Variants in POMK observed in about 807,000 individuals in gnomAD.
POMK encodes the protein Sugen kinase 196.
Under a neutral mutation model 23.0 loss-of-function variants are expected in POMK, and 19 were observed. That is an observed-to-expected ratio of 0.83 (90% confidence interval 0.58 to 1.21). The LOEUF (loss-of-function observed/expected upper bound fraction) is 1.21, where lower values mean the gene tolerates loss of function less well. Ranked by LOEUF, POMK falls within the 50% of genes most tolerant of loss-of-function variation. The pLI is 0.00. For missense variants in POMK, 410 were observed against 431.3 expected, an observed-to-expected ratio of 0.95 and a Z score of 0.44; for synonymous variants, 173 against 171.6, an observed-to-expected ratio of 1.01 and a Z score of -0.06.
Position 43,122,950 on chromosome 8 carries a change from G to C in POMK, c.*73G>C. 1 of 1,391,832 alleles carries C rather than the reference G, an allele frequency of 7.2e-7. No individual in the cohort carries two copies. Among genetic ancestry groups the C allele is most frequent in the Non-Finnish European group, 9.7e-7 (1 of 1,032,750 alleles). 86.2% of individuals were successfully genotyped at this position (1,391,832 alleles called of 1,614,324 possible). A position where few individuals can be genotyped will look rare whatever the true frequency, so the allele number is the denominator to read the frequency against. Reference sequence around the variant, plus strand: ...TACAGCATTCTACTCTGATGGTGGAGTTTTTTGCCTGAGTTTCGTGTTTTA... The same window carrying C: ...TACAGCATTCTACTCTGATGGTGGACTTTTTTGCCTGAGTTTCGTGTTTTA... On this transcript the variant is annotated 3_prime_UTR_variant, in exon 5 of 5. Coordinates refer to ENST00000331373, the MANE Select transcript of POMK (RefSeq NM_032237.5).
chr8:43,111,765 A>G (rs934229204), intron 4 of POMK, among the ~76,000 whole-genome samples: 2 of 152,230 alleles, frequency 1.3e-5, no homozygotes, highest in African/African-American at 4.8e-5. Context: ...CGGTTCACCA[A>G]TATCTGCTGT....
At chr8:43,100,727 G>A (rs953101808) in intron 2 of POMK, among the ~76,000 whole-genome samples, 1 of 152,004 alleles carries the variant, frequency 6.6e-6, no homozygotes, top group African/African-American at 2.4e-5. Context: ...GAGGGAGGAC[G>A]GTGGGAGACC....
intron 2 of POMK, among the ~76,000 whole-genome samples, chr8:43,099,807 G>A (rs537354662): frequency 7.6e-4 from 115 of 152,254 alleles, no homozygotes; most frequent in African/African-American, 2.6e-3. Context: ...GTGGGGCTTG[G>A]GAACTGGTGG....
chr8:43,115,018 A>T (rs576291110), intron 4 of POMK, among the ~76,000 whole-genome samples: 1 of 152,294 alleles, frequency 6.6e-6, no homozygotes, highest in African/African-American at 2.4e-5. Context: ...TATAGCTTGG[A>T]TCCTGTCAGA....
At chr8:43,100,372 AAG>A (rs1306075293) in intron 2 of POMK, among the ~76,000 whole-genome samples, 2 of 151,978 alleles carry the variant, frequency 1.3e-5, no homozygotes, top group Non-Finnish European at 2.9e-5. Flanking sequence ...GTTCCAAAGC[AAG>A]CTAATAGGGG....
chr8:43,113,868 A>G (rs1283674930), intron 4 of POMK, among the ~76,000 whole-genome samples: 1 of 152,230 alleles, frequency 6.6e-6, no homozygotes. Context: ...AGTTTGCTAG[A>G]GGTCCACTCC....
chr8:43,108,425 C>T (rs1395202139), intron 4 of POMK, among the ~76,000 whole-genome samples: 1 of 152,130 alleles, frequency 6.6e-6, no homozygotes, highest in East Asian at 1.9e-4. Context: ...ATTAAGAATA[C>T]TCACAAATAG....
At chr8:43,113,333 C>A (rs1010529291) in intron 4 of POMK, among the ~76,000 whole-genome samples, 30 of 152,110 alleles carry the variant, frequency 2.0e-4, no homozygotes, top group Non-Finnish European at 3.8e-4. Context: ...TTTCTCTAAA[C>A]TTCCCTTCTT....
chr8:43,097,128 G>A (rs988354723), intron 1 of POMK, among the ~76,000 whole-genome samples: 1 of 152,190 alleles, frequency 6.6e-6, no homozygotes, highest in Non-Finnish European at 1.5e-5. Flanking sequence ...TAGATAGATA[G>A]ACAGCATGTA....
chr8:43,112,508 G>A (rs1460834963), intron 4 of POMK, among the ~76,000 whole-genome samples: 1 of 152,152 alleles, frequency 6.6e-6, no homozygotes, highest in Non-Finnish European at 1.5e-5. Flanking sequence ...TTATCCAGGA[G>A]AACTTCCCCA....
chr8:43,112,939 G>A (rs942165478), intron 4 of POMK, among the ~76,000 whole-genome samples: 21 of 152,130 alleles, frequency 1.4e-4, no homozygotes, highest in African/African-American at 2.7e-4. Flanking sequence ...AGGAACAACC[G>A]GTACCAGCCA....
In POMK at chr8:43,103,934, T is replaced by C. The variant is rs1811498996; in HGVS notation, c.282+104T>C. On this transcript the variant is annotated intron_variant, in intron 4 of 4. Transcript: ENST00000331373. ...GCACGGATTACGGAATTTCATCCTT[T>C]GTTACTGCCAAAGTGTACTCCATTG... is the stretch of plus-strand genomic sequence containing the variant. The C allele has an allele frequency of 4.2e-6, 5 of 1,177,186 alleles. No individual in the cohort carries two copies. In the Admixed American group the frequency reaches 1.0e-4, roughly 24 times the overall value. The allele number at this position is 1,177,186 out of a possible 1,614,324, so 72.9% of individuals were successfully genotyped here.
intron 4 of POMK, among the ~76,000 whole-genome samples, chr8:43,119,323 G>A (rs1490098114): frequency 6.6e-6 from 1 of 151,498 alleles, no homozygotes; most frequent in Admixed American, 6.6e-5. Flanking sequence ...TGGAGAGCGT[G>A]TGTTCAATAT....
In POMK at chr8:43,094,424, T is replaced by C. The variant is rs535402055; in HGVS notation, c.-210+861T>C. ...AAACCAGAAAGGACCGAGGACTCTG[T>C]CTCAGCTCTTTGCCTTTGGGTGTTT... On this transcript the variant is annotated intron_variant, in intron 1 of 4. Coordinates refer to ENST00000331373, the MANE Select transcript of POMK (RefSeq NM_032237.5). 7.2e-5 allele frequency among the ~76,000 whole-genome samples: 11 copies of C among 152,340 alleles called. No homozygotes were observed. In the South Asian group the frequency reaches 2.3e-3, roughly 32 times the overall value.
At chr8:43,120,856 T>C (rs1367791495) in intron 4 of POMK, among the ~76,000 whole-genome samples, 1 of 152,056 alleles carries the variant, frequency 6.6e-6, no homozygotes, top group African/African-American at 2.4e-5. Context: ...TTTGTATTTT[T>C]AGTAGAGTCA....
intron 4 of POMK, among the ~76,000 whole-genome samples, chr8:43,109,611 C>T (rs181268447): frequency 3.4e-4 from 51 of 152,118 alleles, no homozygotes; most frequent in Admixed American, 2.1e-3. Flanking sequence ...GGCATGGTCT[C>T]GGCTCACTGC....
At chr8:43,113,058 TAAC>T (rs1563340124) in intron 4 of POMK, among the ~76,000 whole-genome samples, 1 of 152,176 alleles carries the variant, frequency 6.6e-6, no homozygotes, top group Non-Finnish European at 1.5e-5. Context: ...AATACACACA[TAAC>T]AATTGGTGAA....
intron 4 of POMK, among the ~76,000 whole-genome samples, chr8:43,121,336 A>G (rs745789556): frequency 6.6e-6 from 1 of 152,148 alleles, no homozygotes; most frequent in Non-Finnish European, 1.5e-5. Context: ...TCCTTTAATT[A>G]CAGTGCTTCC....
intron 4 of POMK, among the ~76,000 whole-genome samples, chr8:43,111,571 T>C (rs1350870172): frequency 1.3e-5 from 2 of 151,826 alleles, no homozygotes; most frequent in African/African-American, 2.4e-5. Flanking sequence ...TTGAAGAGAG[T>C]AGTGGTTCTC....
Sources: allele counts gnomAD v4.1 joint callset (sites outside exome capture counted in the v4.1 genomes callset), GRCh38; gene constraint gnomAD v4.1.1; transcripts MANE v1.5; gene names NCBI Gene and HGNC (gene_info 2026-07-23, HGNC 2026-07-21).